Variants in ZDHHC6 observed in about 807,000 individuals in gnomAD.
ZDHHC6 encodes zDHHC palmitoyltransferase 6, also known as palmitoyltransferase ZDHHC6.
In ZDHHC6, 32 loss-of-function variants were observed where a neutral mutation model predicts 57.8. That is an observed-to-expected ratio of 0.55 (90% CI 0.42 to 0.74). The LOEUF (loss-of-function observed/expected upper bound fraction) is 0.74. ZDHHC6 is among the 30% of genes least tolerant of loss of function. The probability of loss-of-function intolerance (pLI) is 0.00; values close to 1 mark genes in which losing one functional copy is unlikely to be tolerated. For synonymous variants in ZDHHC6, 128 were observed against 158.0 expected (o/e 0.81, Z 1.42); for missense variants, 433 against 500.7 (o/e 0.86, Z 1.29).
downstream of ZDHHC6, chr10:112,426,301 C>A (rs764394466): frequency 1.2e-6 from 2 of 1,614,114 alleles, no homozygotes; most frequent in Admixed American, 3.3e-5. Context: ...GATGTACTTC[C>A]CTCATTTGCA....
At chr10:112,439,513 C>A (rs1471864635) in intron 5 of ZDHHC6, among the ~76,000 whole-genome samples, 2 of 151,536 alleles carry the variant, frequency 1.3e-5, no homozygotes, top group South Asian at 2.1e-4. Context: ...TACCTGTAAT[C>A]CCAGCTACTT....
At chr10:112,447,342 C>T, upstream of ZDHHC6, 3 of 1,606,704 alleles carry the variant, frequency 1.9e-6, no homozygotes, top group Non-Finnish European at 2.5e-6. Flanking sequence ...CTGACCTAGG[C>T]TTTGGCCTGG....
downstream of ZDHHC6, chr10:112,428,080 G>A (rs1014582739): frequency 4.4e-6 from 1 of 225,010 alleles, no homozygotes. Flanking sequence ...AGGAACTGGG[G>A]AGTAAATCTG....
At chr10:112,434,490 G>A (rs1845338036) in intron 6 of ZDHHC6, 26 bp from the exon 7 acceptor site, 1 of 1,597,650 alleles carries the variant, frequency 6.3e-7, no homozygotes, top group Non-Finnish European at 8.5e-7. Flanking sequence ...ATATAAGATG[G>A]CAGGTGCCTC....
chr10:112,445,618 A>G lies in ZDHHC6; in HGVS notation c.-182T>C. The stretch of plus-strand genomic sequence containing the variant: ...GCACCCAAAGCTCTTTATCTTAACT[A>G]GGAGAATCCAGTGTCTTGGTCTGAA... On this transcript the variant is annotated 5_prime_UTR_variant, in exon 2 of 11. Transcript: ENST00000369405. 2 of 696,382 alleles carry G rather than the reference A, an allele frequency of 2.9e-6. No homozygotes were observed. Among genetic ancestry groups the G allele is most frequent in the South Asian group, 2.2e-5 (1 of 45,526 alleles). The allele number at this position is 696,382 out of a possible 1,614,324, so 43.1% of individuals were successfully genotyped here.
At chr10:112,436,208 C>G (rs1361058264) in intron 6 of ZDHHC6, among the ~76,000 whole-genome samples, 1 of 152,240 alleles carries the variant, frequency 6.6e-6, no homozygotes, top group Non-Finnish European at 1.5e-5. Flanking sequence ...GGTGCAGTGG[C>G]TCACGCCTGT....
downstream of ZDHHC6, chr10:112,427,223 A>G (rs1373545875): frequency 1.2e-6 from 2 of 1,611,920 alleles, no homozygotes; most frequent in East Asian, 4.5e-5. Context: ...TCCAGGTCAA[A>G]GCCATTTTTC....
Position 112,434,365 on chromosome 10 carries a change from A to G in ZDHHC6, c.835T>C (p.Ser279Pro). 2.5e-6 allele frequency: 4 copies of G among 1,613,976 alleles called. No homozygotes were observed. The highest frequency in any genetic ancestry group is 1.6e-4 in the Middle Eastern group (1 of 6,062). The change falls in exon 7 of 11, where the codon TCA becomes CCA. Residue 279 changes from serine (S) to proline (P), a missense_variant. Transcript: ENST00000369405. ...AGTCCATCTCCTTCAGGGACCCCTGACCACGTAAATACCTGTTTAAAGTTC... is the reference window on the plus strand; with the variant it reads ...AGTCCATCTCCTTCAGGGACCCCTGGCCACGTAAATACCTGTTTAAAGTTC... The part of the protein sequence containing the change: ...WRNFKQVFTW[S>P]GVPEGDGLEW...
At chr10:112,435,469 T>C (rs1266644142) in intron 6 of ZDHHC6, among the ~76,000 whole-genome samples, 1 of 152,198 alleles carries the variant, frequency 6.6e-6, no homozygotes, top group Non-Finnish European at 1.5e-5. Context: ...TAAGCAGCCT[T>C]GGTCATCCAC....
At chr10:112,447,395 T>A, upstream of ZDHHC6, 1 of 1,613,650 alleles carries the variant, frequency 6.2e-7, no homozygotes. Context: ...CTTCGAAGGT[T>A]ACGAGCAGGA....
In ZDHHC6 at chr10:112,431,895, C is replaced by G. The variant is rs111591313; in HGVS notation, c.1138+345G>C. 3.7e-3 allele frequency among the ~76,000 whole-genome samples: 563 copies of G among 152,260 alleles called. 6 individuals are homozygous for G. Among genetic ancestry groups the G allele is most frequent in the African/African-American group, 0.013 (541 of 41,548 alleles). On this transcript the variant is annotated intron_variant, in intron 10 of 10. Coordinates refer to ENST00000369405, the MANE Select transcript of ZDHHC6 (RefSeq NM_022494.3). ...AGCTCCATCTGTTTTCAGTGCATAG[C>G]TATGGGCAAGTTGCCTCTCTGTGCT...
intron 6 of ZDHHC6, among the ~76,000 whole-genome samples, chr10:112,436,921 T>A (rs192681203): frequency 6.6e-6 from 1 of 152,356 alleles, no homozygotes; most frequent in East Asian, 1.9e-4. Context: ...GGAAAATAGT[T>A]GTTAAGCTGT....
downstream of ZDHHC6, chr10:112,425,356 A>T: frequency 6.2e-7 from 1 of 1,613,012 alleles, no homozygotes; most frequent in Non-Finnish European, 8.5e-7. Flanking sequence ...TCTGAAGATC[A>T]TCGACCGTAA....
intron 5 of ZDHHC6, among the ~76,000 whole-genome samples, chr10:112,438,793 T>C (rs1362283640): frequency 6.6e-6 from 1 of 152,210 alleles, no homozygotes; most frequent in East Asian, 1.9e-4. Context: ...AATCTATTTA[T>C]GAGAAGTAAC....
upstream of ZDHHC6, chr10:112,447,103 G>C (rs988072946): frequency 6.3e-6 from 3 of 479,654 alleles, no homozygotes; most frequent in South Asian, 2.6e-5. Flanking sequence ...ACGCTTTTCT[G>C]GGGGGAGGCA....
At chr10:112,431,961 C>T (rs1208040440) in intron 10 of ZDHHC6, among the ~76,000 whole-genome samples, 4 of 152,046 alleles carry the variant, frequency 2.6e-5, no homozygotes, top group African/African-American at 4.8e-5. Context: ...TGCCTACCTC[C>T]GAAGTATTTT....
At chr10:112,439,628 T>TAAAAAAAAAAAAAAAAAAAAAAA (rs869272293) in intron 5 of ZDHHC6, among the ~76,000 whole-genome samples, 24 of 31,304 alleles carry the variant, frequency 7.7e-4, no homozygotes, top group South Asian at 1.8e-3. Flanking sequence ...AGACTCCGTC[T>TAAAAAAAAAAAAAAAAAAAAAAA]AAAAAAAAAA....
At chr10:112,447,432 C>A (rs1045865161), upstream of ZDHHC6, 1 of 1,613,586 alleles carries the variant, frequency 6.2e-7, no homozygotes, top group African/African-American at 1.3e-5. Flanking sequence ...GCAGAGATCA[C>A]CAGCAAGATT....
chr10:112,446,534 C>G (rs1222264942), intron 1 of ZDHHC6, 171 bp downstream of exon 1: 1 of 152,196 alleles, frequency 6.6e-6, no homozygotes, highest in African/African-American at 2.4e-5. Flanking sequence ...TTGACTTGTG[C>G]CTCAGTTTCC....
Sources: gnomAD v4.1 joint callset for allele counts (sites outside exome capture counted in the v4.1 genomes callset) on GRCh38, gnomAD v4.1.1 for gene constraint, MANE v1.5 for transcripts, NCBI Gene and HGNC (gene_info 2026-07-23, HGNC 2026-07-21) for gene names.